Variants in CRACR2A observed in about 807,000 individuals in gnomAD.
CRACR2A encodes the protein calcium release activated channel regulator 2A.
CRACR2A carries 79 observed loss-of-function variants against 90.5 expected under a neutral mutation model. The observed-to-expected ratio is 0.87, with a 90% CI of 0.73 to 1.05. The LOEUF (loss-of-function observed/expected upper bound fraction) is 1.05, where lower values mean the gene tolerates loss of function less well. Among genes scored for constraint, CRACR2A ranks in the 50% least tolerant of loss-of-function variants. CRACR2A has a pLI of 0.00. For synonymous variants in CRACR2A, 338 were observed against 356.7 expected (o/e 0.95, Z 0.59); for missense variants, 823 against 897.2 (o/e 0.92, Z 1.06).
intron 13 of CRACR2A, 102 bp from the exon 14 acceptor site, chr12:3,638,556 C>T (rs969148030): frequency 7.5e-7 from 1 of 1,326,934 alleles, no homozygotes; most frequent in African/African-American, 1.5e-5. Context: ...CAAGGAGCAT[C>T]ACACCTTTGG....
At chr12:3,705,464 C>A (rs1945901683) in intron 3 of CRACR2A, among the ~76,000 whole-genome samples, 2 of 152,198 alleles carry the variant, frequency 1.3e-5, no homozygotes, top group Admixed American at 1.3e-4. Flanking sequence ...CAGTGGCAAA[C>A]CTGAAAGCAG....
chr12:3,727,806 T>C (rs1946295838), intron 2 of CRACR2A: 1 of 152,158 alleles, frequency 6.6e-6, no homozygotes, highest in Admixed American at 6.5e-5. Context: ...GGTGATGGGT[T>C]AATTAGAACC....
At chr12:3,622,771 G>GA (rs55758133) in intron 17 of CRACR2A, among the ~76,000 whole-genome samples, 9,097 of 151,986 alleles carry the variant, frequency 0.06, 329 homozygotes, top group Middle Eastern at 0.13. Context: ...GTTATGCTAA[G>GA]AAAAAAAATG....
chr12:3,670,677 A>G (rs982243879), intron 7 of CRACR2A, among the ~76,000 whole-genome samples: 6 of 152,208 alleles, frequency 3.9e-5, no homozygotes, highest in African/African-American at 1.2e-4. Flanking sequence ...GATGTTGCCA[A>G]TAAGGAAACT....
intron 3 of CRACR2A, among the ~76,000 whole-genome samples, chr12:3,710,174 TCTC>T (rs1336071651): frequency 1.3e-5 from 2 of 152,178 alleles, no homozygotes; most frequent in African/African-American, 4.8e-5. Flanking sequence ...ATCTCCCTCT[TCTC>T]CTACCACGTT....
chr12:3,659,325 A>G (rs976045689), intron 8 of CRACR2A, among the ~76,000 whole-genome samples: 2 of 152,250 alleles, frequency 1.3e-5, no homozygotes, highest in African/African-American at 4.8e-5. Context: ...TTAATAAAAG[A>G]TAAAATCTCT....
intron 7 of CRACR2A, among the ~76,000 whole-genome samples, chr12:3,660,957 A>G (rs993398547): frequency 6.6e-6 from 1 of 152,034 alleles, no homozygotes; most frequent in Non-Finnish European, 1.5e-5. Flanking sequence ...AGGGACTTCA[A>G]TAATTGAGGA....
At chr12:3,664,429 A>G (rs182141488) in intron 7 of CRACR2A, among the ~76,000 whole-genome samples, 1 of 152,240 alleles carries the variant, frequency 6.6e-6, no homozygotes. Flanking sequence ...TAAAGTCTAA[A>G]GTCTTTTTTT....
At chr12:3,671,614 T>C (rs375350452) in intron 7 of CRACR2A, among the ~76,000 whole-genome samples, 5 of 152,268 alleles carry the variant, frequency 3.3e-5, no homozygotes, top group East Asian at 1.9e-4. Flanking sequence ...TGCGGGTCCA[T>C]GGACTACACT....
chr12:3,651,106 A>G (rs1176920637), intron 10 of CRACR2A, among the ~76,000 whole-genome samples: 1 of 152,204 alleles, frequency 6.6e-6, no homozygotes, highest in African/African-American at 2.4e-5. Flanking sequence ...TTGGAGTGGT[A>G]ATTGGTGAGG....
chr12:3,655,251 TA>T (rs781212686), intron 9 of CRACR2A, among the ~76,000 whole-genome samples: 3 of 152,198 alleles, frequency 2.0e-5, no homozygotes, highest in Non-Finnish European at 4.4e-5. Context: ...GGGATAAATG[TA>T]ATTGCTAGGA....
intron 1 of CRACR2A, among the ~76,000 whole-genome samples, chr12:3,749,606 C>T (rs1179228867): frequency 2.0e-5 from 3 of 152,144 alleles, no homozygotes; most frequent in Admixed American, 6.6e-5. Context: ...ACACAGGTAC[C>T]GTCTGGCTTT....
chr12:3,689,893 CAGGAATTTATCAACTTCTTCT>C (rs1164241391), intron 4 of CRACR2A, among the ~76,000 whole-genome samples: 1 of 151,760 alleles, frequency 6.6e-6, no homozygotes, highest in Non-Finnish European at 1.5e-5. Context: ...TGTATATGTC[CAGGAATTTATCAACTTCTTCT>C]AGATTTTCTA....
chr12:3,673,761 G>C lies in CRACR2A; in HGVS notation c.525-169C>G, dbSNP rs565371860. On this transcript the variant is annotated intron_variant, in intron 6 of 19. Transcript: ENST00000440314. ...CTTGCTGCATGTGAGGAGCTTCAAG[G>C]ATATCAGCTCATTTCGTCCTCACAA... Among the ~76,000 whole-genome samples the C allele has an allele frequency of 5.9e-5, 9 of 152,324 alleles. No individual in the cohort carries two copies. The South Asian group carries it at 6.2e-4, about 11-fold the overall frequency.
intron 11 of CRACR2A, among the ~76,000 whole-genome samples, chr12:3,647,411 A>G (rs1944707898): frequency 2.0e-5 from 3 of 152,162 alleles, no homozygotes; most frequent in Admixed American, 1.3e-4. Flanking sequence ...GTATTTGTAG[A>G]GAGCTGCCTT....
intron 2 of CRACR2A, chr12:3,732,318 A>G (rs1322694677): frequency 6.6e-6 from 1 of 152,232 alleles, no homozygotes; most frequent in Non-Finnish European, 1.5e-5. Flanking sequence ...AAGATTCAAG[A>G]AAGACATGTG....
At chr12:3,656,173 T>C in intron 9 of CRACR2A, 138 bp downstream of exon 9, 1 of 726,850 alleles carries the variant, frequency 1.4e-6, no homozygotes, top group Admixed American at 2.5e-5. Flanking sequence ...TTAAATGCTA[T>C]CTTTTGCGCG....
At chr12:3,636,399 C>T (rs1003985180) in intron 14 of CRACR2A, among the ~76,000 whole-genome samples, 3 of 152,192 alleles carry the variant, frequency 2.0e-5, no homozygotes, top group Non-Finnish European at 4.4e-5. Flanking sequence ...GCAGCAGGAC[C>T]TCGTGGAGTG....
intron 3 of CRACR2A, among the ~76,000 whole-genome samples, chr12:3,707,801 C>A (rs900705673): frequency 2.0e-5 from 3 of 152,212 alleles, no homozygotes; most frequent in African/African-American, 7.2e-5. Context: ...ATAATAACAC[C>A]TGGCTTGGTA....
Sources: allele counts gnomAD v4.1 joint callset (sites outside exome capture counted in the v4.1 genomes callset), GRCh38; gene constraint gnomAD v4.1.1; transcripts MANE v1.5; gene names NCBI Gene and HGNC (gene_info 2026-07-23, HGNC 2026-07-21).